Variants in HDAC7 observed in about 807,000 individuals in gnomAD.
HDAC7 encodes the protein histone deacetylase 7A.
HDAC7 carries 26 observed loss-of-function variants against 115.5 expected under a neutral mutation model. The observed-to-expected ratio is 0.23, with a 90% CI of 0.16 to 0.31. The LOEUF (loss-of-function observed/expected upper bound fraction) is 0.31. HDAC7 is among the 10% of genes least tolerant of loss of function. The pLI is 1.00. For missense variants in HDAC7, 1,068 were observed against 1,329.0 expected (o/e 0.80, Z 3.05); for synonymous variants, 564 against 550.9 (o/e 1.02, Z -0.33).
intron 2 of HDAC7, among the ~76,000 whole-genome samples, chr12:47,800,708 GC>G (rs1263679017): frequency 2.6e-5 from 4 of 152,222 alleles, no homozygotes; most frequent in Non-Finnish European, 5.9e-5. Context: ...TGCAAGAGGG[GC>G]TTGGGGGAAC....
chr12:47,793,734 G>A lies in HDAC7; in HGVS notation c.1459-146C>T. On this transcript the variant is annotated intron_variant, in intron 12 of 25. Coordinates refer to ENST00000080059, the MANE Select transcript of HDAC7 (RefSeq NM_015401.5). The surrounding 1 kb of genome is among the most constrained non-coding windows in gnomAD (Gnocchi z 4.5). ...AGACCTGCTGTCCAGTGGGGCTCTG[G>A]CCTTTGACTCTCTAAGCCCCCTGTC... 4.6e-6 allele frequency: 3 copies of A among 646,804 alleles called. No individual in the cohort carries two copies. Among genetic ancestry groups the A allele is most frequent in the Non-Finnish European group, 7.6e-6 (3 of 394,162 alleles). 40.1% of individuals were successfully genotyped at this position (646,804 alleles called of 1,614,324 possible). A position where few individuals can be genotyped will look rare whatever the true frequency, so the allele number is the denominator to read the frequency against.
intron 19 of HDAC7, 47 bp downstream of exon 19, chr12:47,789,214 T>C (rs1247182188): frequency 3.5e-6 from 5 of 1,432,030 alleles, no homozygotes; most frequent in Admixed American, 1.7e-5. Flanking sequence ...CTCAGGGCTT[T>C]TCCCCCAGGG....
intron 12 of HDAC7, 60 bp downstream of exon 12, chr12:47,794,700 A>G: frequency 6.8e-7 from 1 of 1,464,682 alleles, no homozygotes; most frequent in Non-Finnish European, 9.1e-7. Flanking sequence ...TCCCCATCTT[A>G]TGCCAGGCCC....
At chr12:47,786,245 T>A (rs998823099) in intron 22 of HDAC7, among the ~76,000 whole-genome samples, 1 of 152,176 alleles carries the variant, frequency 6.6e-6, no homozygotes, top group African/African-American at 2.4e-5. Context: ...TGCTTCTCTC[T>A]CCCCTTCCTC....
In HDAC7 at chr12:47,795,030, G is replaced by A. The variant is rs886119189; in HGVS notation, c.1285-97C>T. 1.5e-5 allele frequency: 20 copies of A among 1,378,240 alleles called. No homozygotes were observed. Among genetic ancestry groups the A allele is most frequent in the Non-Finnish European group, 1.9e-5 (19 of 996,656 alleles). The allele number at this position is 1,378,240 out of a possible 1,614,324, so 85.4% of individuals were successfully genotyped here. On this transcript the variant is annotated intron_variant, in intron 11 of 25. Coordinates refer to ENST00000080059, the MANE Select transcript of HDAC7 (RefSeq NM_015401.5). The surrounding 1 kb of genome is among the most constrained non-coding windows in gnomAD (Gnocchi z 4.3). ...GCCAGGCAGCCAGTCATCTTGCTAG[G>A]ACTCCAGCTGCCATGCAGCTCTGGG...
At chr12:47,784,270 C>A in intron 24 of HDAC7, 53 bp from the exon 25 acceptor site, 8 of 1,560,316 alleles carry the variant, frequency 5.1e-6, no homozygotes, top group Non-Finnish European at 6.9e-6. Flanking sequence ...CCCCTCCACA[C>A]TGCGTCCTAG....
In HDAC7 at chr12:47,811,192, C is replaced by G. The variant is rs187032149; in HGVS notation, c.19+8575G>C. On this transcript the variant is annotated intron_variant, in intron 1 of 25. Coordinates refer to ENST00000080059, the MANE Select transcript of HDAC7 (RefSeq NM_015401.5). ...CCAGTGGTGCCCTAGAATCCCCCTCCTTTTGCCTATTACTTTGGAAGACAG... is the reference window on the plus strand; with the variant it reads ...CCAGTGGTGCCCTAGAATCCCCCTCGTTTTGCCTATTACTTTGGAAGACAG... 2.6e-5 allele frequency among the ~76,000 whole-genome samples: 4 copies of G among 152,322 alleles called. No homozygotes were observed. The East Asian group carries it at 7.7e-4, about 29-fold the overall frequency.
chr12:47,819,051 C>A (rs528467853), intron 1 of HDAC7: 7 of 152,682 alleles, frequency 4.6e-5, no homozygotes, highest in Admixed American at 3.9e-4. Context: ...CATCCTGTCC[C>A]CCACCCCTCA....
chr12:47,806,845 G>A (rs545181072), intron 1 of HDAC7, among the ~76,000 whole-genome samples: 70 of 152,038 alleles, frequency 4.6e-4, no homozygotes, highest in African/African-American at 1.7e-3. Flanking sequence ...CCTCCTTCCT[G>A]GCATTAGCGT....
intron 1 of HDAC7, among the ~76,000 whole-genome samples, chr12:47,814,084 C>A (rs1488589741): frequency 6.6e-6 from 1 of 152,218 alleles, no homozygotes; most frequent in Non-Finnish European, 1.5e-5. Context: ...GAGCCCGTGT[C>A]TTGAATCAGC....
intron 24 of HDAC7, 146 bp downstream of exon 24, chr12:47,785,241 C>A (rs1375408676): frequency 8.6e-6 from 6 of 700,152 alleles, no homozygotes; most frequent in Non-Finnish European, 1.2e-5. Context: ...ACCATTGCTG[C>A]CTGGGTCACT....
In HDAC7 at chr12:47,795,904, A is replaced by C. The variant is rs2136966765; in HGVS notation, c.906+2T>G. On this transcript the variant is annotated splice_donor_variant, in intron 9 of 25. Transcript: ENST00000080059. LOFTEE classifies it high-confidence loss of function. The surrounding 1 kb of genome is among the most constrained non-coding windows in gnomAD (Gnocchi z 4.3). Reference sequence around the variant, plus strand: ...GTGGGGGTGGGCACCCCAGCCACTCACCCTGGCAGGGGCGGGCAGCCCCAG... The same window carrying C: ...GTGGGGGTGGGCACCCCAGCCACTCCCCCTGGCAGGGGCGGGCAGCCCCAG... 3 of 1,547,684 alleles carry C rather than the reference A, an allele frequency of 1.9e-6. No individual in the cohort carries two copies. The South Asian group carries it at 3.6e-5, about 18-fold the overall frequency.
chr12:47,795,282 G>A lies in HDAC7; in HGVS notation c.1186C>T (p.Arg396Cys), dbSNP rs147004393. The A allele has an allele frequency of 8.7e-6, 14 of 1,611,820 alleles. No individual in the cohort carries two copies. The highest frequency in any genetic ancestry group is 8.0e-5 in the African/African-American group (6 of 74,878). ...SGLHWPLSRTRSEPLPPSATA... is the reference protein window; with the variant it reads ...SGLHWPLSRTCSEPLPPSATA... ...GCACTGGGGGGCAGGGGCTCTGAGC[G>A]AGTCCGGCTCAGTGGCCAGTGGAGG... Residue 396 changes from arginine to cysteine, a missense_variant, in exon 11 of 26, where the codon CGC (arginine) becomes TGC (cysteine). Coordinates refer to ENST00000080059, the MANE Select transcript of HDAC7 (RefSeq NM_015401.5). This position sits in a 1 kb window ranked among gnomAD's most constrained non-coding sequence, Gnocchi z 4.3.
At position 47,798,911 on chromosome 12, in the gene HDAC7, C is replaced by T; in HGVS notation, c.132G>A (p.Val44=). The T allele has an allele frequency of 2.0e-6, 3 of 1,534,262 alleles. No homozygotes were observed. The South Asian group carries it at 3.7e-5, about 19-fold the overall frequency. ...GPQPQPMDLR[V]GQRPPVEPPP... is the part of the protein sequence containing the mutation. ...GGGGCTCCACTGGGGGCCGCTGGCC[C>T]ACCCGCAGGTCCATGGGCTGCGGCT... Residue 44 remains valine, a synonymous_variant, in exon 3 of 26, where the codon GTG becomes GTA. Coordinates refer to ENST00000080059, the MANE Select transcript of HDAC7 (RefSeq NM_015401.5). This position sits in a 1 kb window ranked among gnomAD's most constrained non-coding sequence, Gnocchi z 4.3.
At chr12:47,810,804 GTCTCTCTC>G (rs60132211) in intron 1 of HDAC7, among the ~76,000 whole-genome samples, 1,384 of 131,662 alleles carry the variant, frequency 0.011, 16 homozygotes, top group East Asian at 0.049. Context: ...GGAGGAAAAG[GTCTCTCTC>G]TCTCTCTCTC....
intron 1 of HDAC7, among the ~76,000 whole-genome samples, chr12:47,808,948 A>G (rs1196834317): frequency 6.6e-6 from 1 of 152,214 alleles, no homozygotes; most frequent in Non-Finnish European, 1.5e-5. Context: ...CATGATGTCT[A>G]ACTACCATCT....
intron 1 of HDAC7, among the ~76,000 whole-genome samples, chr12:47,807,825 G>A (rs546278195): frequency 6.6e-6 from 1 of 152,316 alleles, no homozygotes; most frequent in East Asian, 1.9e-4. Context: ...TGGAAACAGG[G>A]GGCTGGCAAT....
intron 1 of HDAC7, among the ~76,000 whole-genome samples, chr12:47,807,721 G>A (rs1451614523): frequency 1.3e-5 from 2 of 152,128 alleles, no homozygotes; most frequent in Non-Finnish European, 2.9e-5. Flanking sequence ...CAGAAGCTAT[G>A]TCATCTTTGG....
At chr12:47,787,079 G>A (rs1360672795) in intron 21 of HDAC7, among the ~76,000 whole-genome samples, 1 of 152,200 alleles carries the variant, frequency 6.6e-6, no homozygotes, top group Non-Finnish European at 1.5e-5. Flanking sequence ...TGCGGAGATG[G>A]ACTCTGGTCA....
Sources: allele counts gnomAD v4.1 joint callset (sites outside exome capture counted in the v4.1 genomes callset), GRCh38; gene constraint gnomAD v4.1.1; non-coding constraint Gnocchi (gnomAD v3.1); transcripts MANE v1.5; gene names NCBI Gene and HGNC (gene_info 2026-07-23, HGNC 2026-07-21).